FYB2: variants seen among roughly 807,000 people sequenced by gnomAD.
The protein encoded by FYB2 is FYN binding protein 2.
In FYB2, 103 loss-of-function variants were observed where a neutral mutation model predicts 94.1. The ratio of observed to expected loss-of-function variants is 1.09; its 90% CI spans 0.93 to 1.29. The LOEUF (loss-of-function observed/expected upper bound fraction) is 1.29. Ranked by LOEUF, FYB2 falls within the 50% of genes most tolerant of loss-of-function variation. The pLI is 0.00. For synonymous variants in FYB2, 293 were observed against 287.9 expected, an observed-to-expected ratio of 1.02 and a Z score of -0.18; for missense variants, 896 against 841.5, an observed-to-expected ratio of 1.06 and a Z score of -0.80.
At chr1:56,761,712 T>C (rs140365691) in intron 5 of FYB2, among the ~76,000 whole-genome samples, 247 of 152,288 alleles carry the variant, frequency 1.6e-3, no homozygotes, top group African/African-American at 5.6e-3. Context: ...CCCTGTTTTC[T>C]TGGCCTTGTT....
chr1:56,753,370 A>T lies in FYB2; in HGVS notation c.1227+469T>A, dbSNP rs115078267. ...TGGCTTATGAAACACTTTCTTGCAC[A>T]TTATTTTATCACCACAAACGAGGTA... On this transcript the variant is annotated intron_variant, in intron 8 of 19. Coordinates refer to ENST00000343433, the MANE Select transcript of FYB2 (RefSeq NM_001004303.5). Among the ~76,000 whole-genome samples the T allele has an allele frequency of 6.6e-3, 1,011 of 152,226 alleles. 3 individuals carry two copies. Among genetic ancestry groups the T allele is most frequent in the Non-Finnish European group, 0.011 (724 of 67,976 alleles).
chr1:56,771,239 G>A (rs1397614161), intron 4 of FYB2, among the ~76,000 whole-genome samples: 1 of 152,152 alleles, frequency 6.6e-6, no homozygotes, highest in Non-Finnish European at 1.5e-5. Flanking sequence ...GCGAGAAAAT[G>A]CATAAACAAA....
intron 1 of FYB2, among the ~76,000 whole-genome samples, chr1:56,809,746 G>A (rs1039273879): frequency 3.3e-5 from 5 of 152,052 alleles, no homozygotes; most frequent in African/African-American, 1.2e-4. Flanking sequence ...TAGACTAGGA[G>A]CAACTTCAAG....
At chr1:56,759,608 A>C (rs987025007) in intron 5 of FYB2, among the ~76,000 whole-genome samples, 1 of 152,206 alleles carries the variant, frequency 6.6e-6, no homozygotes, top group Non-Finnish European at 1.5e-5. Flanking sequence ...TGTGTAGCAC[A>C]TGACTATATT....
Position 56,755,112 on chromosome 1 carries a change from G to T in FYB2, c.1130+784C>A, listed in dbSNP as rs555047474. On this transcript the variant is annotated intron_variant, in intron 7 of 19. Coordinates refer to ENST00000343433, the MANE Select transcript of FYB2 (RefSeq NM_001004303.5). The stretch of plus-strand genomic sequence containing the variant: ...AGAATAACTCCAGGGAGAAGGGCTA[G>T]AAACAGACTCTGAAGAGGCAGGTAA... 2.0e-3 allele frequency among the ~76,000 whole-genome samples: 299 copies of T among 152,200 alleles called. 1 individual carries two copies. The highest frequency in any genetic ancestry group is 6.7e-3 in the African/African-American group (280 of 41,558).
chr1:56,816,664 A>G (rs976385599), intron 1 of FYB2, among the ~76,000 whole-genome samples: 13 of 152,176 alleles, frequency 8.5e-5, no homozygotes, highest in Non-Finnish European at 1.6e-4. Flanking sequence ...TAATGTAGAT[A>G]TATTATCAAG....
chr1:56,798,980 A>G (rs1646461138), intron 1 of FYB2, among the ~76,000 whole-genome samples: 1 of 152,182 alleles, frequency 6.6e-6, no homozygotes, highest in East Asian at 1.9e-4. Flanking sequence ...CATGAGCATA[A>G]ATGCTGTAAC....
intron 1 of FYB2, among the ~76,000 whole-genome samples, chr1:56,805,209 G>A (rs772548497): frequency 3.3e-5 from 5 of 152,038 alleles, no homozygotes; most frequent in African/African-American, 4.8e-5. Context: ...CACCCCACTC[G>A]CACATGTAGA....
At chr1:56,757,106 TA>T (rs1407820773) in intron 6 of FYB2, among the ~76,000 whole-genome samples, 3 of 152,034 alleles carry the variant, frequency 2.0e-5, no homozygotes, top group Non-Finnish European at 2.9e-5. Flanking sequence ...GTATGAGAGT[TA>T]AAAGATTTAA....
intron 13 of FYB2, among the ~76,000 whole-genome samples, chr1:56,739,348 C>T (rs1012650519): frequency 6.6e-6 from 1 of 152,000 alleles, no homozygotes; most frequent in African/African-American, 2.4e-5. Context: ...CATAGGGTCT[C>T]GCTGACCACA....
intron 16 of FYB2, among the ~76,000 whole-genome samples, chr1:56,726,143 A>C (rs1279218287): frequency 6.6e-6 from 1 of 151,996 alleles, no homozygotes; most frequent in Non-Finnish European, 1.5e-5. Context: ...AGTTACATTT[A>C]AGTTCTAATT....
In FYB2 at chr1:56,785,130, C is replaced by A. The variant is rs535875671; in HGVS notation, c.953+2045G>T. ...CTGTAAATCCCTTAGGAAGATGGTG[C>A]CATGTGGAGACTGACTAATGGGCCA... On this transcript the variant is annotated intron_variant, in intron 4 of 19. Transcript: ENST00000343433. Among the ~76,000 whole-genome samples the A allele has an allele frequency of 3.3e-5, 5 of 152,262 alleles. No individual in the cohort carries two copies. The South Asian group carries it at 1.0e-3, about 32-fold the overall frequency.
chr1:56,808,781 G>A lies in FYB2; in HGVS notation c.9+10501C>T, dbSNP rs147110954. On this transcript the variant is annotated intron_variant, in intron 1 of 19. Coordinates refer to ENST00000343433, the MANE Select transcript of FYB2 (RefSeq NM_001004303.5). ...GAGTAGATCTGTATTCTAAGGTCAC[G>A]TTATATCTCATCCCCATCTGTGAAA... Among the ~76,000 whole-genome samples, 36 of 152,250 alleles carry A rather than the reference G, an allele frequency of 2.4e-4. No individual in the cohort carries two copies. In the East Asian group the frequency reaches 3.5e-3, roughly 15 times the overall value.
At chr1:56,729,093 G>A (rs1408056114) in intron 15 of FYB2, among the ~76,000 whole-genome samples, 1 of 152,126 alleles carries the variant, frequency 6.6e-6, no homozygotes, top group East Asian at 1.9e-4. Context: ...GGTTGCCAGG[G>A]GCTGGATTAT....
chr1:56,723,625 A>T lies in FYB2; in HGVS notation c.1937T>A (p.Met646Lys), dbSNP rs1367660852. Residue 646 changes from methionine to lysine, a missense_variant, in exon 17 of 20, where the codon ATG becomes AAG. Transcript: ENST00000343433. ...TCTAAATAGTTTTTCTTCTCTTTTC[A>T]TTCTGTTCTTTTCTAAGTTTTGCTT... ...TKKQNLEKNR[M>K]KREEKLFRER... is the part of the protein sequence containing the mutation. 1.9e-6 allele frequency: 3 copies of T among 1,569,894 alleles called. No homozygotes were observed. The highest frequency in any genetic ancestry group is 2.6e-6 in the Non-Finnish European group (3 of 1,145,494).
chr1:56,745,843 T>C (rs1377406762), intron 9 of FYB2, among the ~76,000 whole-genome samples: 1 of 151,992 alleles, frequency 6.6e-6, no homozygotes, highest in African/African-American at 2.4e-5. Context: ...CCTACTATAC[T>C]CTTCCTCGGT....
At chr1:56,739,003 T>A (rs1243795714) in intron 13 of FYB2, among the ~76,000 whole-genome samples, 1 of 152,010 alleles carries the variant, frequency 6.6e-6, no homozygotes, top group Non-Finnish European at 1.5e-5. Flanking sequence ...GAATGTCATG[T>A]TCAAAGCATG....
intron 9 of FYB2, 39 bp from the exon 10 acceptor site, chr1:56,744,305 G>T: frequency 1.4e-6 from 2 of 1,460,906 alleles, no homozygotes; most frequent in Non-Finnish European, 1.9e-6. Context: ...CATCACATCA[G>T]CTGCCATCAT....
intron 1 of FYB2, among the ~76,000 whole-genome samples, chr1:56,808,696 C>T (rs1046528131): frequency 1.3e-5 from 2 of 152,234 alleles, no homozygotes; most frequent in African/African-American, 4.8e-5. Flanking sequence ...GCACTGCTAG[C>T]TTTAAAGAGA....
Sources: allele counts gnomAD v4.1 joint callset (sites outside exome capture counted in the v4.1 genomes callset), GRCh38; gene constraint gnomAD v4.1.1; transcripts MANE v1.5; gene names NCBI Gene and HGNC (gene_info 2026-07-23, HGNC 2026-07-21).